The following ITPR2 variants were observed in gnomAD, a reference collection of about 807,000 sequenced individuals.
The protein encoded by ITPR2 is inositol 1,4,5-trisphosphate-gated calcium channel ITPR2.
A neutral mutation model predicts 317.1 loss-of-function variants in ITPR2; 207 were observed. The observed-to-expected ratio is 0.65, with a 90% CI of 0.58 to 0.73. The LOEUF (loss-of-function observed/expected upper bound fraction) is 0.73, where lower values mean the gene tolerates loss of function less well. Among genes scored for constraint, ITPR2 ranks in the 30% least tolerant of loss-of-function variants. The probability of loss-of-function intolerance (pLI) is 0.00; values close to 1 mark genes in which losing one functional copy is unlikely to be tolerated. For missense variants in ITPR2, 2,613 were observed against 3,284.0 expected (o/e 0.80, Z 4.99); for synonymous variants, 1,156 against 1,149.1 (o/e 1.01, Z -0.12).
intron 20 of ITPR2, 23 bp from the exon 21 acceptor site, chr12:26,654,149 G>T: frequency 2.0e-6 from 3 of 1,514,338 alleles, no homozygotes; most frequent in South Asian, 1.2e-5. Flanking sequence ...AAAAAAGCGG[G>T]GAGGGGGAGG....
intron 35 of ITPR2, among the ~76,000 whole-genome samples, chr12:26,560,417 T>A (rs1264139622): frequency 6.6e-6 from 1 of 152,178 alleles, no homozygotes; most frequent in Non-Finnish European, 1.5e-5. Context: ...CTACCCTAGT[T>A]CACTGTATTT....
intron 26 of ITPR2, among the ~76,000 whole-genome samples, chr12:26,618,362 T>C (rs141487541): frequency 5.3e-5 from 8 of 152,316 alleles, no homozygotes; most frequent in East Asian, 1.9e-4. Context: ...CATGAATCGG[T>C]AGGACTTAAC....
chr12:26,597,616 G>C (rs1029072810), intron 30 of ITPR2, among the ~76,000 whole-genome samples: 1 of 151,896 alleles, frequency 6.6e-6, no homozygotes, highest in Non-Finnish European at 1.5e-5. Flanking sequence ...GTCATAAGAA[G>C]GCATCAGCAG....
intron 37 of ITPR2, among the ~76,000 whole-genome samples, chr12:26,538,340 CT>C (rs1944158346): frequency 6.8e-6 from 1 of 145,998 alleles, no homozygotes; most frequent in African/African-American, 2.4e-5. Context: ...ACAAACACAC[CT>C]TTTTGAAAAA....
At chr12:26,423,812 A>G (rs925281618) in intron 49 of ITPR2, among the ~76,000 whole-genome samples, 1 of 152,210 alleles carries the variant, frequency 6.6e-6, no homozygotes, top group Non-Finnish European at 1.5e-5. Context: ...TAATGAGAAA[A>G]AAACACTTGA....
rs149932753 is a variant in ITPR2, at chr12:26,638,566, T to C, written c.2741-6507A>G. On this transcript the variant is annotated intron_variant, in intron 21 of 56. Transcript: ENST00000381340. ...TGGCTAATGTAGAGTTTCATAGGTA[T>C]GAGTTTGGTTAAGTGATTATGCCAA... Among the ~76,000 whole-genome samples the C allele has an allele frequency of 1.0e-3, 153 of 152,314 alleles. 1 individual carries two copies. The highest frequency in any genetic ancestry group is 3.5e-3 in the African/African-American group (145 of 41,572).
rs1947665014 is a variant in ITPR2, at chr12:26,667,954, A to G, written c.1410-1903T>C. On this transcript the variant is annotated intron_variant, in intron 13 of 56. Coordinates refer to ENST00000381340, the MANE Select transcript of ITPR2 (RefSeq NM_002223.4). ...CCCTACATGTAAAGCCCACCTCTTC[A>G]TGACAAGGCCATGGAAGCCAGGAAA... 2.0e-5 allele frequency among the ~76,000 whole-genome samples: 3 copies of G among 152,184 alleles called. No individual in the cohort carries two copies. In the East Asian group the frequency reaches 5.8e-4, roughly 29 times the overall value.
intron 1 of ITPR2, among the ~76,000 whole-genome samples, chr12:26,791,963 T>A (rs1950348819): frequency 6.6e-6 from 1 of 152,190 alleles, no homozygotes; most frequent in African/African-American, 2.4e-5. Context: ...AAATTACAAA[T>A]GACACTGACA....
At chr12:26,635,856 TTA>T (rs1946853255) in intron 21 of ITPR2, among the ~76,000 whole-genome samples, 1 of 152,224 alleles carries the variant, frequency 6.6e-6, no homozygotes, top group African/African-American at 2.4e-5. Context: ...AGGGTCTGGG[TTA>T]TAAAAGGACT....
At chr12:26,550,433 G>A (rs1238759190) in intron 36 of ITPR2, 78 bp from the exon 37 acceptor site, 2 of 673,624 alleles carry the variant, frequency 3.0e-6, no homozygotes, top group Non-Finnish European at 5.1e-6. Context: ...GGCCATAGGG[G>A]AAAAAATTTA....
intron 2 of ITPR2, among the ~76,000 whole-genome samples, chr12:26,757,444 G>A (rs144152080): frequency 3.9e-4 from 60 of 152,178 alleles, no homozygotes; most frequent in Middle Eastern, 3.4e-3. Context: ...TCGAACTCCC[G>A]ACCTCAGGGG....
At position 26,813,517 on chromosome 12, in the gene ITPR2, G is replaced by A. The variant is rs1950792656; in HGVS notation, c.92+19173C>T. Among the ~76,000 whole-genome samples, 3 of 152,154 alleles carry A rather than the reference G, an allele frequency of 2.0e-5. 1 individual carries two copies. The South Asian group carries it at 6.2e-4, about 32-fold the overall frequency. ...AATAATGTGCTTATTTGGGAAGTTT[G>A]TTTCAGAAACTCCCCTCCCTTTTTA... On this transcript the variant is annotated intron_variant, in intron 1 of 56. Coordinates refer to ENST00000381340, the MANE Select transcript of ITPR2 (RefSeq NM_002223.4).
intron 32 of ITPR2, among the ~76,000 whole-genome samples, chr12:26,582,542 T>G (rs1391940509): frequency 1.3e-5 from 2 of 152,226 alleles, no homozygotes; most frequent in Admixed American, 6.5e-5. Flanking sequence ...TTGGAATGAG[T>G]TGAGGTACAC....
chr12:26,799,133 C>A (rs1480310010), intron 1 of ITPR2, among the ~76,000 whole-genome samples: 1 of 152,142 alleles, frequency 6.6e-6, no homozygotes, highest in African/African-American at 2.4e-5. Context: ...TTTGTTGCTG[C>A]CAATATTTCT....
At position 26,628,136 on chromosome 12, in the gene ITPR2, A is replaced by G; in HGVS notation, c.2961T>C (p.Tyr987=). ...ATATTGACAGCATATATGAGATCCTATAATCCAGTCTGACACTCAGGATAA... is the reference window on the plus strand; with the variant it reads ...ATATTGACAGCATATATGAGATCCTGTAATCCAGTCTGACACTCAGGATAA... ...LQFILSVRLD[Y]RISYMLSIYK... The change falls in exon 23 of 57, where the codon TAT becomes TAC. Residue 987 remains tyrosine (Y), a synonymous_variant. Coordinates refer to ENST00000381340, the MANE Select transcript of ITPR2 (RefSeq NM_002223.4). 6.2e-7 allele frequency: 1 copy of G among 1,606,338 alleles called. No homozygotes were observed.
intron 52 of ITPR2, among the ~76,000 whole-genome samples, chr12:26,404,862 G>A (rs1005384075): frequency 2.0e-5 from 3 of 152,264 alleles, no homozygotes; most frequent in Admixed American, 6.5e-5. Flanking sequence ...GGCCAGGTGC[G>A]GTGGCTTATG....
chr12:26,629,090 T>G (rs1251794855), intron 22 of ITPR2, among the ~76,000 whole-genome samples: 1 of 152,146 alleles, frequency 6.6e-6, no homozygotes, highest in East Asian at 1.9e-4. Context: ...TTAGGAAGAT[T>G]GGCATTTCAT....
chr12:26,649,861 A>G (rs1489332081), intron 21 of ITPR2, among the ~76,000 whole-genome samples: 1 of 152,098 alleles, frequency 6.6e-6, no homozygotes, highest in Non-Finnish European at 1.5e-5. Context: ...TGTTTCTCCT[A>G]TTATAGATAG....
At chr12:26,446,316 T>C (rs1240122541) in intron 45 of ITPR2, among the ~76,000 whole-genome samples, 1 of 152,042 alleles carries the variant, frequency 6.6e-6, no homozygotes, top group East Asian at 1.9e-4. Context: ...GGTATACGCA[T>C]GGAGTAGAGA....
Sources: gnomAD v4.1 joint callset for allele counts (sites outside exome capture counted in the v4.1 genomes callset) on GRCh38, gnomAD v4.1.1 for gene constraint, MANE v1.5 for transcripts, NCBI Gene and HGNC (gene_info 2026-07-23, HGNC 2026-07-21) for gene names.